Variants in CHRDL2 observed in about 807,000 individuals in gnomAD.
The protein encoded by CHRDL2 is chordin like 2.
Under a neutral mutation model 54.3 loss-of-function variants are expected in CHRDL2, and 41 were observed. The observed-to-expected ratio is 0.76, with a 90% CI of 0.59 to 0.98. The LOEUF is 0.98. CHRDL2 is among the 50% of genes least tolerant of loss of function. The pLI is 0.00. For missense variants in CHRDL2, 518 were observed against 562.4 expected, an observed-to-expected ratio of 0.92 and a Z score of 0.80; for synonymous variants, 220 against 224.3, an observed-to-expected ratio of 0.98 and a Z score of 0.17.
chr11:74,703,317 T>C lies in CHRDL2; in HGVS notation c.934A>G (p.Lys312Glu). The stretch of plus-strand genomic sequence containing the variant: ...TGCCCCTGTGTACCTGGGCAAATCT[T>C]GCAGCACTTCCCAGCCACTTTCTCG... ...HPEKVAGKCC[K>E]ICPEDKADPG... Residue 312 changes from lysine to glutamate, a missense_variant, in exon 8 of 11, where the codon AAG becomes GAG. Lys to Glu is a moderately conservative substitution (Grantham distance 56). Transcript: ENST00000376332. 1 of 1,605,170 alleles carries C rather than the reference T, an allele frequency of 6.2e-7. No individual in the cohort carries two copies. The highest frequency in any genetic ancestry group is 8.5e-7 in the Non-Finnish European group (1 of 1,174,916).
rs2033852045 is a variant in CHRDL2 at position 74,702,520 on chromosome 11, C to T, written c.1120+274G>A. Among the ~76,000 whole-genome samples, 3 of 152,198 alleles carry T rather than the reference C, an allele frequency of 2.0e-5. No homozygotes were observed. In the South Asian group the frequency reaches 6.2e-4, roughly 32 times the overall value. ...TGCCATTAGACATCTGTCTATTTCT[C>T]CCTGCCTGGCTCCTCACAAGGTGCA... On this transcript the variant is annotated intron_variant, in intron 9 of 10. Transcript: ENST00000376332.
intron 1 of CHRDL2, chr11:74,720,438 C>G (rs926767294): frequency 3.9e-5 from 6 of 153,526 alleles, no homozygotes; most frequent in African/African-American, 1.4e-4. Flanking sequence ...CAAAGCAGAG[C>G]TCCTTTCTCT....
intron 1 of CHRDL2, among the ~76,000 whole-genome samples, chr11:74,726,052 C>A (rs1416474134): frequency 6.6e-6 from 1 of 152,182 alleles, no homozygotes; most frequent in African/African-American, 2.4e-5. Context: ...GAGAAAGGAA[C>A]TGCATTTCTC....
chr11:74,727,934 CAT>C (rs1459885369), intron 1 of CHRDL2, among the ~76,000 whole-genome samples: 7 of 152,174 alleles, frequency 4.6e-5, no homozygotes, highest in Non-Finnish European at 8.8e-5. Context: ...CAGCATCACA[CAT>C]GTCTGTGGCT....
Position 74,726,286 on chromosome 11 carries a change from G to T in CHRDL2, c.82+4521C>A, listed in dbSNP as rs144371699. Among the ~76,000 whole-genome samples the T allele has an allele frequency of 4.1e-3, 631 of 152,292 alleles. 3 individuals are homozygous for T. Among genetic ancestry groups the T allele is most frequent in the Non-Finnish European group, 6.0e-3 (410 of 68,016 alleles). ...AGACATCCAGTCCCCTGTTTCCTTTGTGGGAAATTGAGTCCCAGAGAGAGA... is the reference window on the plus strand; with the variant it reads ...AGACATCCAGTCCCCTGTTTCCTTTTTGGGAAATTGAGTCCCAGAGAGAGA... On this transcript the variant is annotated intron_variant, in intron 1 of 10. Coordinates refer to ENST00000376332, the MANE Select transcript of CHRDL2 (RefSeq NM_001278473.3).
chr11:74,716,757 G>A (rs1285182403), intron 2 of CHRDL2, among the ~76,000 whole-genome samples: 1 of 151,594 alleles, frequency 6.6e-6, no homozygotes, highest in Non-Finnish European at 1.5e-5. Flanking sequence ...TGTTACTGGA[G>A]GGTTTTAAGA....
At chr11:74,713,504 C>T in intron 2 of CHRDL2, 25 bp from the exon 3 acceptor site, 2 of 1,597,398 alleles carry the variant, frequency 1.3e-6, no homozygotes, top group South Asian at 2.2e-5. Context: ...AGGGTCAGCC[C>T]TGGTTCAAAG....
intron 1 of CHRDL2, among the ~76,000 whole-genome samples, chr11:74,730,537 C>T (rs752221456): frequency 3.9e-5 from 6 of 152,164 alleles, no homozygotes; most frequent in Non-Finnish European, 7.4e-5. Context: ...AAGTCCTCCC[C>T]CAACCCAAAA....
At chr11:74,709,865 G>A (rs1027568872) in intron 4 of CHRDL2, among the ~76,000 whole-genome samples, 1 of 152,252 alleles carries the variant, frequency 6.6e-6, no homozygotes, top group Middle Eastern at 3.4e-3. Context: ...TAAATAAATC[G>A]GGAGGGCAGG....
intron 6 of CHRDL2, among the ~76,000 whole-genome samples, chr11:74,705,001 G>C (rs562574426): frequency 6.6e-6 from 1 of 152,290 alleles, no homozygotes; most frequent in Non-Finnish European, 1.5e-5. Context: ...TCATATTTGG[G>C]AAACAGAAGG....
chr11:74,703,278 C>T, intron 8 of CHRDL2, 27 bp downstream of exon 8: 3 of 1,565,982 alleles, frequency 1.9e-6, no homozygotes, highest in Non-Finnish European at 2.6e-6. Context: ...GGCCAGCGCC[C>T]TCCTTGCTCC....
At chr11:74,710,742 T>A in intron 4 of CHRDL2, 107 bp downstream of exon 4, 1 of 1,382,764 alleles carries the variant, frequency 7.2e-7, no homozygotes, top group Admixed American at 2.6e-5. Context: ...CCCATTCATT[T>A]TGCTTTGGCC....
intron 1 of CHRDL2, among the ~76,000 whole-genome samples, chr11:74,729,758 C>A (rs1380417103): frequency 6.6e-6 from 1 of 152,210 alleles, no homozygotes; most frequent in Non-Finnish European, 1.5e-5. Context: ...GAGAAACCCA[C>A]TGCTTGAATG....
rs1454138579 is a variant in CHRDL2, at chr11:74,703,443, G to A, written c.808C>T (p.Arg270Cys). The A allele has an allele frequency of 6.8e-6, 11 of 1,612,776 alleles. No homozygotes were observed. Among genetic ancestry groups the A allele is most frequent in the East Asian group, 2.2e-5 (1 of 44,864 alleles). Residue 270 changes from arginine to cysteine, a missense_variant, in exon 8 of 11, where the codon CGT becomes TGT. Arg to Cys is a radical substitution (Grantham distance 180, BLOSUM62 -3). Coordinates refer to ENST00000376332, the MANE Select transcript of CHRDL2 (RefSeq NM_001278473.3). ...ATGCAGGGCAAGGGGCCGAAGGCAC[G>A]GAAGGCCGGGTGCCACACCTCCCCG... ...SHGEVWHPAFRAFGPLPCILC... is the reference protein window; with the variant it reads ...SHGEVWHPAFCAFGPLPCILC...
At position 74,703,442 on chromosome 11, in the gene CHRDL2, C is replaced by T. The variant is rs375797871; in HGVS notation, c.809G>A (p.Arg270His). ...SHGEVWHPAF[R>H]AFGPLPCILC... ...GATGCAGGGCAAGGGGCCGAAGGCA[C>T]GGAAGGCCGGGTGCCACACCTCCCC... The change falls in exon 8 of 11, where the codon CGT becomes CAT. Residue 270 changes from arginine (R) to histidine (H), a missense_variant. Transcript: ENST00000376332. 1.5e-5 allele frequency: 24 copies of T among 1,612,620 alleles called. No individual in the cohort carries two copies. The highest frequency in any genetic ancestry group is 1.7e-5 in the Non-Finnish European group (20 of 1,179,320).
At chr11:74,730,571 C>G (rs1228730966) in intron 1 of CHRDL2, among the ~76,000 whole-genome samples, 1 of 152,232 alleles carries the variant, frequency 6.6e-6, no homozygotes, top group Non-Finnish European at 1.5e-5. Flanking sequence ...CCTCTCCCCC[C>G]GCTGCCCTTG....
intron 2 of CHRDL2, among the ~76,000 whole-genome samples, chr11:74,715,943 A>G (rs565385508): frequency 6.6e-6 from 1 of 152,308 alleles, no homozygotes; most frequent in East Asian, 1.9e-4. Context: ...GTGCCACTGC[A>G]CTACAGCCTG....
rs567642859 is a variant in CHRDL2, at chr11:74,727,900, A to C, written c.82+2907T>G. 1.1e-4 allele frequency among the ~76,000 whole-genome samples: 17 copies of C among 152,320 alleles called. No homozygotes were observed. The South Asian group carries it at 2.9e-3, about 26-fold the overall frequency. ...AGGCCTCTGGTGGACACTCATCCAC[A>C]AAGAGCCGAGTGTCTAGAGTGACCA... On this transcript the variant is annotated intron_variant, in intron 1 of 10. Coordinates refer to ENST00000376332, the MANE Select transcript of CHRDL2 (RefSeq NM_001278473.3).
At chr11:74,727,267 C>G (rs1282910157) in intron 1 of CHRDL2, among the ~76,000 whole-genome samples, 3 of 152,172 alleles carry the variant, frequency 2.0e-5, no homozygotes, top group Non-Finnish European at 4.4e-5. Flanking sequence ...CTTTCTGATT[C>G]CAGGTTTGCC....
Sources: allele counts gnomAD v4.1 joint callset (sites outside exome capture counted in the v4.1 genomes callset), GRCh38; gene constraint gnomAD v4.1.1; transcripts MANE v1.5; gene names NCBI Gene and HGNC (gene_info 2026-07-23, HGNC 2026-07-21).